Variants in MYO16 observed in about 807,000 individuals in gnomAD.
The protein encoded by MYO16 is unconventional myosin-XVI.
A neutral mutation model predicts 205.3 loss-of-function variants in MYO16; 94 were observed. The ratio of observed to expected loss-of-function variants is 0.46; its 90% CI spans 0.39 to 0.54. The LOEUF is 0.54. MYO16 is among the 20% of genes least tolerant of loss of function. The pLI is 0.00. For synonymous variants in MYO16, 988 were observed against 954.0 expected, an observed-to-expected ratio of 1.04 and a Z score of -0.66; for missense variants, 2,315 against 2,387.5, an observed-to-expected ratio of 0.97 and a Z score of 0.63.
At chr13:108,998,365 C>G (rs538406535) in intron 21 of MYO16, among the ~76,000 whole-genome samples, 1 of 152,224 alleles carries the variant, frequency 6.6e-6, no homozygotes, top group African/African-American at 2.4e-5. Context: ...GCCCCAAGTT[C>G]CAGACCCTGT....
intron 34 of MYO16, among the ~76,000 whole-genome samples, chr13:109,202,546 A>G (rs1172378167): frequency 6.6e-6 from 1 of 152,150 alleles, no homozygotes; most frequent in Non-Finnish European, 1.5e-5. Context: ...ACTTCGAAAG[A>G]AATTATAGAT....
chr13:108,891,380 G>T (rs1181370204), intron 14 of MYO16, among the ~76,000 whole-genome samples: 3 of 151,976 alleles, frequency 2.0e-5, no homozygotes, highest in African/African-American at 7.2e-5. Flanking sequence ...AGACACATTT[G>T]TTAAAAAATG....
chr13:108,899,861 TTTGTTATAG>T (rs1233241804), intron 15 of MYO16, among the ~76,000 whole-genome samples: 22 of 152,172 alleles, frequency 1.4e-4, no homozygotes, highest in African/African-American at 5.3e-4. Flanking sequence ...CACTTGGGAG[TTTGTTATAG>T]ATGCAGAATC....
intron 27 of MYO16, among the ~76,000 whole-genome samples, chr13:109,093,810 G>A (rs1379772484): frequency 6.6e-6 from 1 of 152,040 alleles, no homozygotes; most frequent in South Asian, 2.1e-4. Context: ...CCAGATGGCA[G>A]CCCTGACTCT....
At chr13:108,702,488 T>C (rs1419117793) in intron 2 of MYO16, among the ~76,000 whole-genome samples, 1 of 152,170 alleles carries the variant, frequency 6.6e-6, no homozygotes, top group Non-Finnish European at 1.5e-5. Context: ...GGACATTCAT[T>C]GCAAACAAAA....
In MYO16 at chr13:108,740,574, C is replaced by T. The variant is rs143627454; in HGVS notation, c.507+12991C>T. 1.3e-3 allele frequency among the ~76,000 whole-genome samples: 204 copies of T among 152,246 alleles called. 1 individual carries two copies. In the Middle Eastern group the frequency reaches 0.038, roughly 28 times the overall value. On this transcript the variant is annotated intron_variant, in intron 4 of 34. Coordinates refer to ENST00000457511, the MANE Select transcript of MYO16 (RefSeq NM_001198950.3). ...AGGGGTTCCTCCCAGTTAGGCTACT[C>T]GAGGGTCAGGGACTCACTTGTGGAG... is the stretch of plus-strand genomic sequence containing the variant.
At chr13:109,064,381 T>C (rs1407728554) in intron 27 of MYO16, among the ~76,000 whole-genome samples, 1 of 152,200 alleles carries the variant, frequency 6.6e-6, no homozygotes, top group African/African-American at 2.4e-5. Context: ...TGATCTACTC[T>C]TCAGTAGATC....
intron 27 of MYO16, among the ~76,000 whole-genome samples, chr13:109,085,037 C>A (rs1304465179): frequency 6.6e-6 from 1 of 152,080 alleles, no homozygotes; most frequent in Non-Finnish European, 1.5e-5. Context: ...TACACACAAG[C>A]AGGTGCAGAA....
intron 3 of MYO16, among the ~76,000 whole-genome samples, chr13:108,719,588 A>G (rs569632736): frequency 6.6e-6 from 1 of 152,130 alleles, no homozygotes; most frequent in Non-Finnish European, 1.5e-5. Context: ...TTAGCACAGC[A>G]CTGGGGGCAT....
chr13:108,589,814 G>C, the MYO16 span, among the ~76,000 whole-genome samples: 1 of 152,132 alleles, frequency 6.6e-6, no homozygotes, highest in Non-Finnish European at 1.5e-5. Context: ...CAATCAGCAA[G>C]AATAGTTCAA....
intron 3 of MYO16, 64 bp from the exon 4 acceptor site, chr13:108,727,376 C>G: frequency 6.6e-7 from 1 of 1,511,702 alleles, no homozygotes; most frequent in Non-Finnish European, 9.0e-7. Context: ...AATCTGTGGA[C>G]ATTTGGAATA....
intron 6 of MYO16, among the ~76,000 whole-genome samples, chr13:108,802,216 C>G (rs1208839767): frequency 6.6e-6 from 1 of 152,130 alleles, no homozygotes; most frequent in East Asian, 1.9e-4. Context: ...AAACTTCGAA[C>G]CCTTCGACCA....
chr13:109,029,116 T>C (rs1001039490), intron 23 of MYO16, among the ~76,000 whole-genome samples: 2 of 141,138 alleles, frequency 1.4e-5, no homozygotes, highest in African/African-American at 5.3e-5. Flanking sequence ...TCTTTTCTTT[T>C]TTTTTTTTTT....
chr13:108,664,079 C>G (rs944371680), intron 1 of MYO16, among the ~76,000 whole-genome samples: 3 of 152,164 alleles, frequency 2.0e-5, no homozygotes, highest in Admixed American at 6.5e-5. Context: ...GTTTCAGAAC[C>G]ACTGTTGTCT....
intron 2 of MYO16, among the ~76,000 whole-genome samples, chr13:108,672,003 C>A (rs1566541651): frequency 6.6e-6 from 1 of 152,116 alleles, no homozygotes; most frequent in Non-Finnish European, 1.5e-5. Context: ...GTACTTGGAG[C>A]TGACCCAAGT....
the MYO16 span, among the ~76,000 whole-genome samples, chr13:108,520,858 T>C: frequency 6.6e-6 from 1 of 152,208 alleles, no homozygotes; most frequent in African/African-American, 2.4e-5. Context: ...CTGATGCTTC[T>C]CTTCTGAGTC....
intron 12 of MYO16, among the ~76,000 whole-genome samples, chr13:108,869,905 T>G (rs1878962197): frequency 6.6e-6 from 1 of 151,432 alleles, no homozygotes; most frequent in Non-Finnish European, 1.5e-5. Flanking sequence ...TTCTTTAAAA[T>G]CCTATTATTA....
intron 34 of MYO16, among the ~76,000 whole-genome samples, chr13:109,194,208 C>T (rs1017594456): frequency 2.0e-5 from 3 of 152,130 alleles, no homozygotes; most frequent in African/African-American, 7.2e-5. Flanking sequence ...CTGGCTTAGT[C>T]CTATAGAACC....
chr13:109,121,970 A>G (rs1341362149), intron 29 of MYO16, among the ~76,000 whole-genome samples: 1 of 152,154 alleles, frequency 6.6e-6, no homozygotes, highest in Non-Finnish European at 1.5e-5. Flanking sequence ...TGCAGGGGAG[A>G]GGGCGGGCTA....
Sources: gnomAD v4.1 joint callset for allele counts (sites outside exome capture counted in the v4.1 genomes callset) on GRCh38, gnomAD v4.1.1 for gene constraint, MANE v1.5 for transcripts, NCBI Gene and HGNC (gene_info 2026-07-23, HGNC 2026-07-21) for gene names.